The following ABCC1 variants were observed in gnomAD, a reference collection of about 807,000 sequenced individuals.
The protein encoded by ABCC1 is ATP binding cassette subfamily C member 1 (ABCC1 blood group).
In ABCC1, 83 loss-of-function variants were observed where a neutral mutation model predicts 172.9. The ratio of observed to expected loss-of-function variants is 0.48; its 90% CI spans 0.40 to 0.58. The LOEUF (loss-of-function observed/expected upper bound fraction) is 0.58. Ranked by LOEUF, ABCC1 falls within the 20% of genes least tolerant of loss-of-function variation. The pLI is 0.00. For synonymous variants in ABCC1, 937 were observed against 825.2 expected, an observed-to-expected ratio of 1.14 and a Z score of -2.32; for missense variants, 1,817 against 2,002.7, an observed-to-expected ratio of 0.91 and a Z score of 1.77.
At chr16:16,103,569 G>A (rs2051882550) in intron 20 of ABCC1, among the ~76,000 whole-genome samples, 1 of 152,148 alleles carries the variant, frequency 6.6e-6, no homozygotes, top group African/African-American at 2.4e-5. Flanking sequence ...GACAGAGCGA[G>A]ACTCCATCTC....
At chr16:16,064,831 G>T (rs770651846) in intron 12 of ABCC1, among the ~76,000 whole-genome samples, 1 of 152,222 alleles carries the variant, frequency 6.6e-6, no homozygotes, top group Non-Finnish European at 1.5e-5. Flanking sequence ...TCCAGTCATG[G>T]AACATTCATT....
chr16:15,983,439 G>C (rs1336518121), intron 1 of ABCC1, among the ~76,000 whole-genome samples: 1 of 152,062 alleles, frequency 6.6e-6, no homozygotes, highest in Admixed American at 6.6e-5. Context: ...CGGTTGGGAG[G>C]GGAGTCAGGA....
At chr16:16,035,461 C>T (rs1270271069) in intron 6 of ABCC1, among the ~76,000 whole-genome samples, 1 of 150,316 alleles carries the variant, frequency 6.7e-6, no homozygotes, top group Non-Finnish European at 1.5e-5. Flanking sequence ...TCATGTCAGC[C>T]TTTTTATTTT....
intron 1 of ABCC1, among the ~76,000 whole-genome samples, chr16:15,966,651 C>CTTT (rs34159339): frequency 6.5e-5 from 9 of 138,650 alleles, no homozygotes; most frequent in South Asian, 4.6e-4. Context: ...TTCTCTCTCT[C>CTTT]TTTTTTTTTT....
At chr16:16,128,491 A>T (rs1261947079) in intron 26 of ABCC1, among the ~76,000 whole-genome samples, 2 of 152,120 alleles carry the variant, frequency 1.3e-5, no homozygotes, top group East Asian at 3.9e-4. Context: ...ACTGACTTTT[A>T]TATTTTTAGA....
intron 17 of ABCC1, 146 bp downstream of exon 17, chr16:16,083,688 C>A (rs1339055349): frequency 1.9e-6 from 2 of 1,046,036 alleles, no homozygotes; most frequent in Non-Finnish European, 2.8e-6. Context: ...CGCTGCAGGC[C>A]AGCTGAACTT....
chr16:16,006,092 C>T (rs1273367765), intron 1 of ABCC1, among the ~76,000 whole-genome samples: 2 of 151,956 alleles, frequency 1.3e-5, no homozygotes, highest in African/African-American at 4.8e-5. Flanking sequence ...AAAACAACAG[C>T]AATAACAACA....
intron 23 of ABCC1, among the ~76,000 whole-genome samples, chr16:16,118,445 C>CT (rs61199513): frequency 1.6e-5 from 2 of 127,280 alleles, no homozygotes; most frequent in Non-Finnish European, 3.2e-5. Context: ...TTTTTTTTTT[C>CT]CCCTGCATTT....
chr16:16,115,155 C>T, intron 23 of ABCC1, 79 bp downstream of exon 23: 1 of 1,439,078 alleles, frequency 6.9e-7, no homozygotes, highest in Non-Finnish European at 9.5e-7. Context: ...CTTGTTTTAT[C>T]TTACCATGTC....
chr16:16,072,531 T>G (rs1361735985), intron 14 of ABCC1, among the ~76,000 whole-genome samples: 1 of 148,288 alleles, frequency 6.7e-6, no homozygotes, highest in Admixed American at 6.8e-5. Flanking sequence ...AGAGACAAGG[T>G]CTTGCTTTGT....
chr16:15,951,265 C>A (rs2045865324), intron 1 of ABCC1, among the ~76,000 whole-genome samples: 1 of 152,072 alleles, frequency 6.6e-6, no homozygotes, highest in South Asian at 2.1e-4. Flanking sequence ...GGGTGAACAT[C>A]CATGAGGTTT....
At chr16:16,096,674 C>T (rs759069808) in intron 19 of ABCC1, among the ~76,000 whole-genome samples, 4 of 152,140 alleles carry the variant, frequency 2.6e-5, no homozygotes, top group Non-Finnish European at 4.4e-5. Context: ...TTCTTCCCTC[C>T]GGGGAGGCTG....
At chr16:16,062,390 A>G (rs528342212) in intron 12 of ABCC1, among the ~76,000 whole-genome samples, 6 of 152,200 alleles carry the variant, frequency 3.9e-5, no homozygotes, top group Middle Eastern at 3.4e-3. Flanking sequence ...TTTGCTGTCC[A>G]GGCTGGAGTA....
chr16:16,098,524 C>G (rs937211874), intron 19 of ABCC1, among the ~76,000 whole-genome samples: 4 of 152,234 alleles, frequency 2.6e-5, no homozygotes, highest in Admixed American at 1.3e-4. Context: ...GAGGCTGAGG[C>G]TGGAGAATTG....
intron 17 of ABCC1, among the ~76,000 whole-genome samples, chr16:16,085,882 G>T (rs2050986941): frequency 6.6e-6 from 1 of 152,190 alleles, no homozygotes; most frequent in African/African-American, 2.4e-5. Context: ...GTGATTTCCA[G>T]CCAAATAGGG....
chr16:16,131,225 T>A (rs2045660186), intron 26 of ABCC1, among the ~76,000 whole-genome samples: 1 of 152,224 alleles, frequency 6.6e-6, no homozygotes, highest in South Asian at 2.1e-4. Flanking sequence ...TGAACAACTA[T>A]GGTCCATTGA....
intron 19 of ABCC1, among the ~76,000 whole-genome samples, chr16:16,092,831 A>G (rs1212700831): frequency 2.0e-5 from 3 of 152,160 alleles, no homozygotes; most frequent in Non-Finnish European, 4.4e-5. Flanking sequence ...CTCTACTGAA[A>G]GTACAAACAT....
rs543197774 is a variant in ABCC1 at position 16,048,188 on chromosome 16, A to C, written c.1265A>C (p.Glu422Ala). The change falls in exon 10 of 31, where the codon GAG becomes GCG. Residue 422 changes from glutamate (E) to alanine (A), a missense_variant. By Grantham distance (107) the Glu-to-Ala change is moderately radical (BLOSUM62 -1). Coordinates refer to ENST00000399410, the MANE Select transcript of ABCC1 (RefSeq NM_004996.4). ...GCCAGAAAATCCTCCACGGTCGGGG[A>C]GATTGTCAACCTCATGTCTGTGGAC... ...NSARKSSTVG[E>A]IVNLMSVDAQ... 4 of 1,614,072 alleles carry C rather than the reference A, an allele frequency of 2.5e-6. No homozygotes were observed. In the African/African-American group the frequency reaches 5.3e-5, roughly 22 times the overall value.
chr16:16,021,082 C>T (rs2048177412), intron 5 of ABCC1, among the ~76,000 whole-genome samples: 1 of 152,164 alleles, frequency 6.6e-6, no homozygotes, highest in African/African-American at 2.4e-5. Context: ...CACAGCCAGG[C>T]ACACGGTGGG....
Sources: gnomAD v4.1 joint callset for allele counts (sites outside exome capture counted in the v4.1 genomes callset) on GRCh38, gnomAD v4.1.1 for gene constraint, MANE v1.5 for transcripts, NCBI Gene and HGNC (gene_info 2026-07-23, HGNC 2026-07-21) for gene names.